The following C4BPA variants were observed in gnomAD, a reference collection of about 807,000 sequenced individuals.
C4BPA encodes C4b-binding protein alpha chain.
C4BPA carries 31 observed loss-of-function variants against 63.7 expected under a neutral mutation model. The ratio of observed to expected loss-of-function variants is 0.49; its 90% CI spans 0.37 to 0.66. The LOEUF (loss-of-function observed/expected upper bound fraction) is 0.66, where lower values mean the gene tolerates loss of function less well. Ranked by LOEUF, C4BPA falls within the 30% of genes least tolerant of loss-of-function variation. The pLI, the probability that C4BPA is intolerant of heterozygous loss-of-function variation, is 0.00. For synonymous variants in C4BPA, 259 were observed against 254.7 expected (o/e 1.02, Z -0.16); for missense variants, 572 against 723.3 (o/e 0.79, Z 2.40).
rs572085014 is a variant in C4BPA at position 207,109,663 on chromosome 1, A to G, written c.-25-3338A>G. Among the ~76,000 whole-genome samples, 48 of 152,294 alleles carry G rather than the reference A, an allele frequency of 3.2e-4. 1 individual carries two copies. In the South Asian group the frequency reaches 1.0e-2, roughly 32 times the overall value. ...ATGGCCTAGGTGTGAGGATGAAGTA[A>G]AGGGAGTGAAATAACTTCCTCATCA... On this transcript the variant is annotated intron_variant, in intron 1 of 11. Coordinates refer to ENST00000367070, the MANE Select transcript of C4BPA (RefSeq NM_000715.4).
Position 207,124,178 on chromosome 1 carries a change from T to C in C4BPA, c.518T>C (p.Val173Ala). 1.9e-6 allele frequency: 3 copies of C among 1,612,602 alleles called. No individual in the cohort carries two copies. Among genetic ancestry groups the C allele is most frequent in the Non-Finnish European group, 2.5e-6 (3 of 1,178,788 alleles). Residue 173 changes from valine to alanine, a missense_variant, in exon 6 of 12, where the codon GTC (valine) becomes GCC (alanine). Coordinates refer to ENST00000367070, the MANE Select transcript of C4BPA (RefSeq NM_000715.4). ...WSHPLPQCEI[V>A]KCKPPPDIRN... ...TCTCTTCACTCACTTACCTCAGTTG[T>C]CAAGTGTAAGCCTCCTCCAGACATC...
At chr1:207,138,118 AT>A (rs1286281162) in intron 9 of C4BPA, among the ~76,000 whole-genome samples, 1 of 152,162 alleles carries the variant, frequency 6.6e-6, no homozygotes, top group Non-Finnish European at 1.5e-5. Context: ...TACCAAAAAT[AT>A]TTATCTGTGA....
intron 9 of C4BPA, among the ~76,000 whole-genome samples, chr1:207,135,206 C>T (rs1685254139): frequency 1.3e-5 from 2 of 152,198 alleles, no homozygotes; most frequent in South Asian, 2.1e-4. Context: ...GGCATGGTGG[C>T]GTGGGCCTGT....
At chr1:207,131,124 G>A (rs919945247) in intron 7 of C4BPA, among the ~76,000 whole-genome samples, 1 of 152,136 alleles carries the variant, frequency 6.6e-6, no homozygotes, top group Non-Finnish European at 1.5e-5. Context: ...TTGGAGCTTG[G>A]TTTTTTTCTT....
chr1:207,124,405 T>C, intron 6 of C4BPA, 39 bp downstream of exon 6: 5 of 1,485,538 alleles, frequency 3.4e-6, no homozygotes, highest in Non-Finnish European at 4.6e-6. Flanking sequence ...AAATGTTTGC[T>C]CTCTTTTGTT....
Position 207,113,030 on chromosome 1 carries a change from AC to A in C4BPA, c.11del (p.Pro4GlnfsTer33). 6.3e-7 allele frequency: 1 copy of A among 1,592,390 alleles called. No homozygotes were observed. The highest frequency in any genetic ancestry group is 8.5e-7 in the Non-Finnish European group (1 of 1,173,616). On this transcript the variant is annotated frameshift_variant, in exon 2 of 12. Coordinates refer to ENST00000367070, the MANE Select transcript of C4BPA (RefSeq NM_000715.4). LOFTEE classifies it high-confidence loss of function. ...ACATCAGCGAAGCAGCAGGCCATGC[AC>A]CCCCCAAAAACTCCATCTGGGGCTC... is the stretch of plus-strand genomic sequence containing the variant. M[H>X]PPKTPSGALH...
intron 1 of C4BPA, among the ~76,000 whole-genome samples, chr1:207,112,331 A>G (rs1572775323): frequency 7.0e-6 from 1 of 143,626 alleles, no homozygotes; most frequent in Non-Finnish European, 1.5e-5. Flanking sequence ...TCTCTATCCC[A>G]TCATTTTCCT....
chr1:207,123,891 TC>T, intron 4 of C4BPA, 30 bp from the exon 5 acceptor site: 1 of 1,282,566 alleles, frequency 7.8e-7, no homozygotes. Context: ...TAGGAGGAAT[TC>T]CATTAAAATC....
intron 1 of C4BPA, 129 bp from the exon 2 acceptor site, chr1:207,112,872 G>A (rs760630613): frequency 3.0e-5 from 23 of 775,582 alleles, no homozygotes; most frequent in Non-Finnish European, 4.5e-5. Flanking sequence ...TGTGCTCAGG[G>A]GTTTTTTTGT....
In C4BPA at chr1:207,139,049, A is replaced by G. The variant is rs867353453; in HGVS notation, c.1274-2057A>G. Among the ~76,000 whole-genome samples, 6 of 152,164 alleles carry G rather than the reference A, an allele frequency of 3.9e-5. No homozygotes were observed. In the Middle Eastern group the frequency reaches 0.01, roughly 259 times the overall value. On this transcript the variant is annotated intron_variant, in intron 9 of 11. Coordinates refer to ENST00000367070, the MANE Select transcript of C4BPA (RefSeq NM_000715.4). ...ATCCAGACGGTCAAGATATATTCAG[A>G]CTCTATTATGACATGGGCAAGAGGG...
intron 9 of C4BPA, among the ~76,000 whole-genome samples, chr1:207,137,472 G>A (rs939816400): frequency 3.3e-5 from 5 of 152,200 alleles, no homozygotes; most frequent in Non-Finnish European, 5.9e-5. Flanking sequence ...AAGTGGTGTC[G>A]GGGAAGGAGG....
chr1:207,106,188 G>A (rs1160623348), intron 1 of C4BPA, among the ~76,000 whole-genome samples: 3 of 152,074 alleles, frequency 2.0e-5, no homozygotes, highest in East Asian at 3.9e-4. Flanking sequence ...TTCTGCTGAG[G>A]GACCACCAGG....
At chr1:207,116,054 C>A (rs190751097) in intron 4 of C4BPA, among the ~76,000 whole-genome samples, 2 of 152,128 alleles carry the variant, frequency 1.3e-5, no homozygotes, top group Non-Finnish European at 2.9e-5. Flanking sequence ...CTAGAGGAGG[C>A]CTTTCTGGCT....
chr1:207,118,169 ATC>A (rs1558089382), intron 4 of C4BPA, among the ~76,000 whole-genome samples: 12 of 60,142 alleles, frequency 2.0e-4, no homozygotes, highest in Admixed American at 4.0e-4. Flanking sequence ...CTGTCTGTCT[ATC>A]TATCTATATC....
chr1:207,107,255 A>T (rs79015140), intron 1 of C4BPA, among the ~76,000 whole-genome samples: 9,249 of 152,206 alleles, frequency 0.061, 805 homozygotes, highest in African/African-American at 0.19. Context: ...GGTGTTTTTT[A>T]AAAAAATCCT....
intron 9 of C4BPA, 71 bp downstream of exon 9, chr1:207,134,663 G>A: frequency 8.8e-7 from 1 of 1,140,600 alleles, no homozygotes; most frequent in Non-Finnish European, 1.2e-6. Flanking sequence ...ATTAAGAGAA[G>A]GTTTAAAATT....
chr1:207,129,722 A>G (rs1685121914), intron 7 of C4BPA, among the ~76,000 whole-genome samples: 1 of 152,154 alleles, frequency 6.6e-6, no homozygotes, highest in Non-Finnish European at 1.5e-5. Flanking sequence ...CCAACAACAT[A>G]TTTTGCACTT....
intron 7 of C4BPA, among the ~76,000 whole-genome samples, chr1:207,130,327 T>C (rs1371644120): frequency 1.3e-5 from 2 of 152,178 alleles, no homozygotes; most frequent in African/African-American, 2.4e-5. Flanking sequence ...GTGGAAAAAT[T>C]AGAACTCTCA....
chr1:207,118,251 T>TATCTATC (rs1684854757), intron 4 of C4BPA, among the ~76,000 whole-genome samples: 1 of 141,302 alleles, frequency 7.1e-6, no homozygotes, highest in Non-Finnish European at 1.5e-5. Flanking sequence ...ATCTATCATC[T>TATCTATC]ATCTACTATT....
Sources: gnomAD v4.1 joint callset for allele counts (sites outside exome capture counted in the v4.1 genomes callset) on GRCh38, gnomAD v4.1.1 for gene constraint, MANE v1.5 for transcripts, NCBI Gene and HGNC (gene_info 2026-07-23, HGNC 2026-07-21) for gene names.